Variants in NUF2 observed in about 807,000 individuals in gnomAD.
NUF2 encodes NUF2 component of NDC80 kinetochore complex, also known as kinetochore protein Nuf2.
NUF2 carries 34 observed loss-of-function variants against 61.8 expected under a neutral mutation model. The ratio of observed to expected loss-of-function variants is 0.55; its 90% CI spans 0.42 to 0.73. NUF2 has a LOEUF of 0.73. NUF2 is among the 30% of genes least tolerant of loss of function. The probability of loss-of-function intolerance (pLI) is 0.00; values close to 1 mark genes in which losing one functional copy is unlikely to be tolerated. For missense variants in NUF2, 445 were observed against 539.1 expected, an observed-to-expected ratio of 0.83 and a Z score of 1.73; for synonymous variants, 172 against 181.6, an observed-to-expected ratio of 0.95 and a Z score of 0.42.
chr1:163,341,594 A>G (rs1421407215), intron 9 of NUF2, among the ~76,000 whole-genome samples: 1 of 151,528 alleles, frequency 6.6e-6, no homozygotes, highest in Non-Finnish European at 1.5e-5. Context: ...CTTATTTTGT[A>G]TATTGTTTGT....
chr1:163,337,273 T>G (rs1650788893), intron 6 of NUF2, among the ~76,000 whole-genome samples: 1 of 152,158 alleles, frequency 6.6e-6, no homozygotes, highest in Non-Finnish European at 1.5e-5. Context: ...TTATCATGCT[T>G]GCCCAGATTC....
At chr1:163,334,943 T>C (rs1369503527) in intron 5 of NUF2, among the ~76,000 whole-genome samples, 1 of 148,700 alleles carries the variant, frequency 6.7e-6, no homozygotes, top group African/African-American at 2.5e-5. Flanking sequence ...TGTGTGTTTG[T>C]CTTGTTTTGT....
chr1:163,345,547 A>G (rs1049149299), intron 10 of NUF2, 131 bp from the exon 11 acceptor site: 1 of 750,140 alleles, frequency 1.3e-6, no homozygotes, highest in Non-Finnish European at 2.1e-6. Context: ...TGACCTAGAA[A>G]TTTAATTGTT....
intron 8 of NUF2, 94 bp downstream of exon 8, chr1:163,339,571 C>G: frequency 2.9e-6 from 2 of 695,382 alleles, no homozygotes; most frequent in Non-Finnish European, 5.0e-6. Flanking sequence ...ATTGCTTTCT[C>G]TATTACCAAA....
intron 13 of NUF2, among the ~76,000 whole-genome samples, chr1:163,354,717 A>C (rs10449259): frequency 1.3e-5 from 2 of 151,894 alleles, no homozygotes; most frequent in African/African-American, 2.4e-5. Context: ...TTTTGTCTAA[A>C]AGAAGTAAAT....
chr1:163,340,240 A>G (rs1332292723), intron 8 of NUF2, 124 bp from the exon 9 acceptor site: 2 of 710,336 alleles, frequency 2.8e-6, no homozygotes, highest in African/African-American at 3.7e-5. Context: ...GAACAGAGAA[A>G]GTTTGAAGAA....
chr1:163,338,187 C>G (rs1434178611), intron 7 of NUF2, 94 bp downstream of exon 7: 4 of 800,868 alleles, frequency 5.0e-6, no homozygotes, highest in Non-Finnish European at 8.2e-6. Context: ...CACCTTAAGT[C>G]TCTTTTATCT....
intron 12 of NUF2, 100 bp from the exon 13 acceptor site, chr1:163,348,845 A>C (rs1289466101): frequency 7.5e-7 from 1 of 1,330,816 alleles, no homozygotes; most frequent in Admixed American, 2.3e-5. Flanking sequence ...AGGTTTGTCA[A>C]ATACTGACAC....
rs372961469 is a variant in NUF2, at chr1:163,355,456, A to G, written c.1382A>G (p.Lys461Arg). ...KTAELKRKMF[K>R]MST ...GCTGAACTGAAGAGGAAGATGTTCA[A>G]AATGTCAACCTGATTAACAAAATTA... Residue 461 changes from lysine (K) to arginine (R), a missense_variant, in exon 14 of 14, where the codon AAA becomes AGA. Coordinates refer to ENST00000271452, the MANE Select transcript of NUF2 (RefSeq NM_145697.3). The G allele has an allele frequency of 9.4e-6, 15 of 1,593,846 alleles. No homozygotes were observed. The highest frequency in any genetic ancestry group is 1.4e-5 in the African/African-American group (1 of 73,994).
At chr1:163,335,434 T>C (rs938230984) in intron 5 of NUF2, among the ~76,000 whole-genome samples, 1 of 152,200 alleles carries the variant, frequency 6.6e-6, no homozygotes, top group Non-Finnish European at 1.5e-5. Flanking sequence ...AGAAGTCTAT[T>C]GCTTTTCTTA....
chr1:163,355,191 A>G, intron 13 of NUF2, 144 bp from the exon 14 acceptor site: 1 of 586,380 alleles, frequency 1.7e-6, no homozygotes, highest in Non-Finnish European at 2.9e-6. Context: ...TAAAGCAGAC[A>G]TAGACATGCA....
chr1:163,328,924 A>G lies in NUF2; in HGVS notation c.337+17A>G. 1 of 1,491,776 alleles carries G rather than the reference A, an allele frequency of 6.7e-7. No individual in the cohort carries two copies. The highest frequency in any genetic ancestry group is 9.3e-7 in the Non-Finnish European group (1 of 1,071,196). 92.4% of individuals were successfully genotyped at this position (1,491,776 alleles called of 1,614,324 possible). ...TATGTCCAAGTAAGTGAGAATTTAA[A>G]ACAGTTTTAATGTCTGGCTTCGATC... On this transcript the variant is annotated intron_variant, in intron 5 of 13. Transcript: ENST00000271452.
chr1:163,351,054 A>G (rs572205958), intron 13 of NUF2, among the ~76,000 whole-genome samples: 2 of 152,290 alleles, frequency 1.3e-5, no homozygotes, highest in East Asian at 1.9e-4. Flanking sequence ...GCCTTCTCAT[A>G]TTCAGGATAA....
chr1:163,354,368 A>T (rs1312137030), intron 13 of NUF2, among the ~76,000 whole-genome samples: 5 of 152,168 alleles, frequency 3.3e-5, no homozygotes, highest in Admixed American at 2.0e-4. Context: ...CTGTAGTAAT[A>T]GTTCTCAAAC....
chr1:163,345,541 C>A, intron 10 of NUF2, 137 bp from the exon 11 acceptor site: 1 of 700,844 alleles, frequency 1.4e-6, no homozygotes, highest in Non-Finnish European at 2.3e-6. Context: ...TATTACTGAC[C>A]TAGAAATTTA....
At chr1:163,339,317 A>C (rs980716420) in intron 7 of NUF2, 64 bp from the exon 8 acceptor site, 1 of 889,410 alleles carries the variant, frequency 1.1e-6, no homozygotes, top group African/African-American at 1.7e-5. Context: ...ATTTGAGGAC[A>C]GGTATTTCAT....
At chr1:163,325,368 T>A (rs1270902178) in intron 1 of NUF2, among the ~76,000 whole-genome samples, 4 of 152,188 alleles carry the variant, frequency 2.6e-5, no homozygotes, top group Non-Finnish European at 5.9e-5. Context: ...CCCTTGGTGA[T>A]AAAGTTAGAG....
intron 13 of NUF2, among the ~76,000 whole-genome samples, chr1:163,349,623 G>T (rs560539781): frequency 9.9e-5 from 15 of 152,012 alleles, no homozygotes; most frequent in Admixed American, 9.8e-4. Context: ...TTAAACATTT[G>T]CTGCCATTAC....
chr1:163,351,382 A>C (rs1651312780), intron 13 of NUF2, among the ~76,000 whole-genome samples: 1 of 152,158 alleles, frequency 6.6e-6, no homozygotes, highest in Non-Finnish European at 1.5e-5. Context: ...CTTTAGCACA[A>C]CTGTTACTTT....
Sources: allele counts gnomAD v4.1 joint callset (sites outside exome capture counted in the v4.1 genomes callset), GRCh38; gene constraint gnomAD v4.1.1; transcripts MANE v1.5; gene names NCBI Gene and HGNC (gene_info 2026-07-23, HGNC 2026-07-21).